The following ARHGEF37 variants were observed in gnomAD, a reference collection of about 807,000 sequenced individuals.
ARHGEF37 encodes the protein Rho guanine nucleotide exchange factor 37, also known as Rho guanine nucleotide exchange factor (GEF) 37.
A neutral mutation model predicts 71.1 loss-of-function variants in ARHGEF37; 55 were observed. That is an observed-to-expected ratio of 0.77 (90% CI 0.62 to 0.97). ARHGEF37 has a LOEUF of 0.97. Ranked by LOEUF, ARHGEF37 falls within the 50% of genes least tolerant of loss-of-function variation. The pLI is 0.00. For synonymous variants in ARHGEF37, 327 were observed against 350.6 expected, an observed-to-expected ratio of 0.93 and a Z score of 0.75; for missense variants, 765 against 836.8, an observed-to-expected ratio of 0.91 and a Z score of 1.06.
chr5:149,592,398 G>A (rs915864881), intron 1 of ARHGEF37, among the ~76,000 whole-genome samples: 2 of 152,200 alleles, frequency 1.3e-5, no homozygotes, highest in Non-Finnish European at 2.9e-5. Context: ...CACACAGTAT[G>A]TGACCTTTAA....
intron 1 of ARHGEF37, among the ~76,000 whole-genome samples, chr5:149,553,620 G>A (rs1352276228): frequency 6.6e-6 from 1 of 152,164 alleles, no homozygotes; most frequent in Non-Finnish European, 1.5e-5. Flanking sequence ...GAAGCCGGGG[G>A]CAGGGTAAGG....
intron 1 of ARHGEF37, among the ~76,000 whole-genome samples, chr5:149,564,920 G>A (rs1248488188): frequency 6.6e-6 from 1 of 152,238 alleles, no homozygotes; most frequent in Non-Finnish European, 1.5e-5. Context: ...TGATCTTAAT[G>A]ATTATACAAT....
At chr5:149,607,568 A>G (rs1222761891) in intron 3 of ARHGEF37, among the ~76,000 whole-genome samples, 1 of 152,162 alleles carries the variant, frequency 6.6e-6, no homozygotes, top group African/African-American at 2.4e-5. Context: ...GTGAGCAACA[A>G]GGCTCTTTAT....
chr5:149,604,079 TA>T (rs1340225287), intron 3 of ARHGEF37, among the ~76,000 whole-genome samples: 1 of 152,250 alleles, frequency 6.6e-6, no homozygotes, highest in Non-Finnish European at 1.5e-5. Context: ...TCTAAGGGTC[TA>T]AGGACTTTGA....
chr5:149,586,262 C>CT (rs1763234209), intron 1 of ARHGEF37, among the ~76,000 whole-genome samples: 1 of 152,108 alleles, frequency 6.6e-6, no homozygotes, highest in Non-Finnish European at 1.5e-5. Context: ...TTATGTTTTT[C>CT]TGTTTTTTGT....
intron 1 of ARHGEF37, among the ~76,000 whole-genome samples, chr5:149,565,829 ATTTTTTTTT>A (rs201683478): frequency 1.7e-4 from 14 of 84,572 alleles, no homozygotes; most frequent in Non-Finnish European, 2.7e-4. Context: ...AGAAACTCTA[ATTTTTTTTT>A]TTTTTTTTTT....
chr5:149,571,922 AAAAAG>A (rs1206892150), intron 1 of ARHGEF37, among the ~76,000 whole-genome samples: 2 of 151,226 alleles, frequency 1.3e-5, no homozygotes, highest in African/African-American at 2.4e-5. Context: ...AAAAAAAAAA[AAAAAG>A]AAGTTGACAA....
rs551082835 is a variant in ARHGEF37 at position 149,618,884 on chromosome 5, G to C, written c.790-54G>C. 5 of 1,425,554 alleles carry C rather than the reference G, an allele frequency of 3.5e-6. No homozygotes were observed. The Admixed American group carries it at 8.4e-5, about 24-fold the overall frequency. The allele number at this position is 1,425,554 out of a possible 1,614,324, so 88.3% of individuals were successfully genotyped here. A position where few individuals can be genotyped will look rare whatever the true frequency, so the allele number is the denominator to read the frequency against. On this transcript the variant is annotated intron_variant, in intron 6 of 12. Coordinates refer to ENST00000333677, the MANE Select transcript of ARHGEF37 (RefSeq NM_001001669.3). The stretch of plus-strand genomic sequence containing the variant: ...AGTGAGGACCTGGAACACTGAAGCC[G>C]GTGTACACTGCCCCCATGTGGATAT...
At chr5:149,560,230 C>T (rs35020736) in intron 1 of ARHGEF37, among the ~76,000 whole-genome samples, 40,042 of 151,990 alleles carry the variant, frequency 0.26, 5,681 homozygotes, top group Admixed American at 0.41. Context: ...ATTCACCTGC[C>T]TCAGCCTCCC....
At chr5:149,630,309 G>C (rs1752841757) in intron 12 of ARHGEF37, among the ~76,000 whole-genome samples, 1 of 152,186 alleles carries the variant, frequency 6.6e-6, no homozygotes, top group African/African-American at 2.4e-5. Context: ...AGACAGTAAA[G>C]CTGGGCTGCA....
chr5:149,551,667 G>C (rs1312158601), upstream of ARHGEF37: 1 of 152,256 alleles, frequency 6.6e-6, no homozygotes, highest in Non-Finnish European at 1.5e-5. Flanking sequence ...CCTGTTACTC[G>C]CCTCGGACCC....
rs575781756 is a variant in ARHGEF37 at position 149,632,047 on chromosome 5, T to G, written c.1884T>G (p.Pro628=). 1 of 1,614,284 alleles carries G rather than the reference T, an allele frequency of 6.2e-7. No individual in the cohort carries two copies. Among genetic ancestry groups the G allele is most frequent in the East Asian group, 2.2e-5 (1 of 44,886 alleles). The change falls in exon 13 of 13, where the codon CCT becomes CCG. Residue 628 remains proline, a synonymous_variant. Transcript: ENST00000333677. ...SHEVSLQAGQ[P]VTILEAQDKK... ...AAGTGAGCCTGCAGGCAGGCCAGCC[T>G]GTGACCATCCTGGAGGCCCAGGACA...
intron 10 of ARHGEF37, among the ~76,000 whole-genome samples, chr5:149,626,378 C>G (rs1251019024): frequency 6.6e-6 from 1 of 152,134 alleles, no homozygotes; most frequent in Non-Finnish European, 1.5e-5. Flanking sequence ...CTGAGTCTCT[C>G]CTTGTTGATA....
rs763759986 is a variant in ARHGEF37 at position 149,609,574 on chromosome 5, G to A, written c.337G>A (p.Glu113Lys). The A allele has an allele frequency of 1.9e-5, 30 of 1,614,058 alleles. No individual in the cohort carries two copies. Among genetic ancestry groups the A allele is most frequent in the Non-Finnish European group, 2.5e-5 (29 of 1,180,010 alleles). Residue 113 changes from glutamate to lysine, a missense_variant, in exon 4 of 13, where the codon GAG (glutamate) becomes AAG (lysine). By Grantham distance (56) the Glu-to-Lys change is moderately conservative. Transcript: ENST00000333677. ...VGNIFLEFQE[E>K]LEQVYKVYCA... ...TAACATATTTCTGGAATTCCAAGAG[G>A]AGTTGGAGCAAGTCTATAAGGTCTA...
intron 1 of ARHGEF37, among the ~76,000 whole-genome samples, chr5:149,596,080 A>G (rs184323869): frequency 5.3e-5 from 8 of 151,860 alleles, no homozygotes; most frequent in African/African-American, 1.9e-4. Context: ...TGAGTTTCAA[A>G]TACTGTCTTC....
At chr5:149,568,811 CAAA>C (rs748620450) in intron 1 of ARHGEF37, among the ~76,000 whole-genome samples, 7 of 57,382 alleles carry the variant, frequency 1.2e-4, no homozygotes, top group African/African-American at 1.7e-4. Flanking sequence ...GACTCCATCT[CAAA>C]AAAAAAAAAA....
At chr5:149,591,372 C>T (rs747046627) in intron 1 of ARHGEF37, among the ~76,000 whole-genome samples, 4 of 152,112 alleles carry the variant, frequency 2.6e-5, no homozygotes, top group Non-Finnish European at 5.9e-5. Flanking sequence ...CGTGAGCCAC[C>T]GTGCTCGGCC....
intron 1 of ARHGEF37, among the ~76,000 whole-genome samples, chr5:149,590,231 A>G (rs529069878): frequency 1.8e-4 from 28 of 152,234 alleles, no homozygotes; most frequent in African/African-American, 6.3e-4. Flanking sequence ...ATTCTGTTCT[A>G]GAATCAGAAG....
chr5:149,624,589 C>T (rs967014878), intron 10 of ARHGEF37, among the ~76,000 whole-genome samples: 1 of 152,188 alleles, frequency 6.6e-6, no homozygotes, highest in Non-Finnish European at 1.5e-5. Context: ...GCCTGGCCAA[C>T]ATGGCAAAAC....
Sources: gnomAD v4.1 joint callset for allele counts (sites outside exome capture counted in the v4.1 genomes callset) on GRCh38, gnomAD v4.1.1 for gene constraint, MANE v1.5 for transcripts, NCBI Gene and HGNC (gene_info 2026-07-23, HGNC 2026-07-21) for gene names.